Variants in PCDH15 observed in about 807,000 individuals in gnomAD.
PCDH15 encodes protocadherin related 15, also known as protocadherin-15.
Under a neutral mutation model 178.5 loss-of-function variants are expected in PCDH15, and 129 were observed. That is an observed-to-expected ratio of 0.72 (90% CI 0.63 to 0.84). The LOEUF is 0.84. PCDH15 is among the 40% of genes least tolerant of loss of function. PCDH15 has a pLI of 0.00. For missense variants in PCDH15, 2,230 were observed against 2,099.9 expected, an observed-to-expected ratio of 1.06 and a Z score of -1.21; for synonymous variants, 800 against 732.0, an observed-to-expected ratio of 1.09 and a Z score of -1.50.
chr10:55,047,050 G>T (rs1841025560), intron 2 of PCDH15, among the ~76,000 whole-genome samples: 1 of 151,742 alleles, frequency 6.6e-6, no homozygotes, highest in Admixed American at 6.6e-5. Context: ...ACAGTCTCAT[G>T]CTTCAGTTGA....
rs11003939 is a variant in PCDH15 at position 53,945,064 on chromosome 10, T to C, written c.3123-4089A>G. On this transcript the variant is annotated intron_variant, in intron 23 of 37. Transcript: ENST00000644397. ...ATAGAATCCGAAATAATATTTGTTT[T>C]ATAAATATATTTCCTCATTGTTACT... 3.5e-3 allele frequency among the ~76,000 whole-genome samples: 526 copies of C among 152,374 alleles called. 4 individuals carry two copies. The highest frequency in any genetic ancestry group is 0.012 in the African/African-American group (503 of 41,584).
At chr10:54,233,213 G>T (rs2054264512) in intron 9 of PCDH15, among the ~76,000 whole-genome samples, 1 of 152,026 alleles carries the variant, frequency 6.6e-6, no homozygotes, top group South Asian at 2.1e-4. Flanking sequence ...CAAAATGTTG[G>T]AATTACATGT....
upstream of PCDH15, among the ~76,000 whole-genome samples, chr10:54,805,570 C>T (rs1952766539): frequency 6.6e-6 from 1 of 152,118 alleles, no homozygotes; most frequent in Admixed American, 6.5e-5. Flanking sequence ...TCAAGGTAGA[C>T]ATAGTTAATT....
chr10:55,542,674 T>C (rs554272093), intron 2 of PCDH15, among the ~76,000 whole-genome samples: 51 of 98,342 alleles, frequency 5.2e-4, no homozygotes, highest in African/African-American at 1.9e-3. Context: ...TACAGACATA[T>C]GTATGTGTCT....
chr10:54,702,610 A>G (rs559088309), intron 1 of PCDH15, among the ~76,000 whole-genome samples: 1 of 151,940 alleles, frequency 6.6e-6, no homozygotes, highest in South Asian at 2.1e-4. Flanking sequence ...GAAAACCTAG[A>G]AAAACTGATA....
intron 2 of PCDH15, among the ~76,000 whole-genome samples, chr10:54,587,974 G>A (rs2091616589): frequency 6.6e-6 from 1 of 152,124 alleles, no homozygotes; most frequent in Non-Finnish European, 1.5e-5. Context: ...ACATTTGTAA[G>A]TGACAGTAAA....
intron 3 of PCDH15, among the ~76,000 whole-genome samples, chr10:54,814,738 A>G (rs978651002): frequency 6.6e-6 from 1 of 152,242 alleles, no homozygotes; most frequent in South Asian, 2.1e-4. Flanking sequence ...AATTTTTGCA[A>G]TCAGACCTTT....
At chr10:54,430,158 T>C (rs1956797847) in intron 3 of PCDH15, among the ~76,000 whole-genome samples, 1 of 150,380 alleles carries the variant, frequency 6.6e-6, no homozygotes, top group African/African-American at 2.4e-5. Flanking sequence ...TGGGTTCAAG[T>C]GATTCTCCTG....
intron 20 of PCDH15, among the ~76,000 whole-genome samples, chr10:53,997,839 A>C (rs1215946475): frequency 6.6e-6 from 1 of 152,182 alleles, no homozygotes; most frequent in Non-Finnish European, 1.5e-5. Flanking sequence ...ATGAAGAATA[A>C]ATTAATGTAG....
chr10:55,476,887 G>A (rs1039703511), intron 2 of PCDH15, among the ~76,000 whole-genome samples: 1 of 151,760 alleles, frequency 6.6e-6, no homozygotes, highest in Admixed American at 6.6e-5. Flanking sequence ...TTATTGTGCT[G>A]CCTCTCCCCT....
chr10:55,575,076 T>C (rs1212766058), intron 2 of PCDH15, among the ~76,000 whole-genome samples: 6 of 152,126 alleles, frequency 3.9e-5, no homozygotes, highest in African/African-American at 1.4e-4. Flanking sequence ...CTTGGCTCTC[T>C]TATTTGACCT....
At chr10:53,813,233 A>G (rs941981717) in intron 35 of PCDH15, among the ~76,000 whole-genome samples, 5 of 152,172 alleles carry the variant, frequency 3.3e-5, no homozygotes, top group Admixed American at 6.5e-5. Context: ...CCTAGTCACT[A>G]TGAAATCTGT....
chr10:54,818,043 C>T (rs556262059), intron 3 of PCDH15, among the ~76,000 whole-genome samples: 61 of 152,006 alleles, frequency 4.0e-4, no homozygotes, highest in Middle Eastern at 3.4e-3. Context: ...AGTAACAACC[C>T]TAAAGTTTGG....
intron 1 of PCDH15, among the ~76,000 whole-genome samples, chr10:54,756,089 A>ACACACACACACACACACACT (rs143374986): frequency 2.5e-3 from 366 of 148,312 alleles, no homozygotes; most frequent in East Asian, 4.6e-3. Flanking sequence ...ACACACACAC[A>ACACACACACACACACACACT]CACACACAAA....
intron 2 of PCDH15, among the ~76,000 whole-genome samples, chr10:55,474,021 A>G (rs1840015428): frequency 6.6e-6 from 1 of 152,144 alleles, no homozygotes; most frequent in East Asian, 1.9e-4. Flanking sequence ...AAGATATGTA[A>G]CCCAGCCTAC....
At chr10:53,822,751 C>CTGAAGAGAGAGATTT in intron 32 of PCDH15, 1 of 1,614,080 alleles carries the variant, frequency 6.2e-7, no homozygotes, top group Non-Finnish European at 8.5e-7. Flanking sequence ...AATGAAGAGT[C>CTGAAGAGAGAGATTT]TGAAGAGAGA....
intron 2 of PCDH15, among the ~76,000 whole-genome samples, chr10:54,953,329 C>T (rs1030224322): frequency 1.3e-5 from 2 of 151,222 alleles, no homozygotes; most frequent in Non-Finnish European, 3.0e-5. Flanking sequence ...CATTAATTAG[C>T]TTTTGAATAT....
At chr10:54,735,616 C>T (rs1943996477) in intron 1 of PCDH15, among the ~76,000 whole-genome samples, 1 of 132,430 alleles carries the variant, frequency 7.6e-6, no homozygotes, top group South Asian at 2.5e-4. Flanking sequence ...GGAACCAAGC[C>T]AAATGTCCAA....
At chr10:55,224,481 C>A (rs181397175) in intron 1 of PCDH15, among the ~76,000 whole-genome samples, 2 of 152,134 alleles carry the variant, frequency 1.3e-5, no homozygotes, top group Non-Finnish European at 2.9e-5. Flanking sequence ...GTGAAGAAAT[C>A]CAGGCGACCC....
Sources: allele counts gnomAD v4.1 joint callset (sites outside exome capture counted in the v4.1 genomes callset), GRCh38; gene constraint gnomAD v4.1.1; transcripts MANE v1.5; gene names NCBI Gene and HGNC (gene_info 2026-07-23, HGNC 2026-07-21).